CERT1: variants seen among roughly 807,000 people sequenced by gnomAD.
The protein encoded by CERT1 is ceramide transporter 1, also known as ceramide transfer protein.
CERT1 carries 31 observed loss-of-function variants against 87.9 expected under a neutral mutation model. That is an observed-to-expected ratio of 0.35 (90% CI 0.27 to 0.48). The LOEUF is 0.48. CERT1 is among the 20% of genes least tolerant of loss of function. The probability of loss-of-function intolerance (pLI) is 0.99; values close to 1 mark genes in which losing one functional copy is unlikely to be tolerated. For synonymous variants in CERT1, 289 were observed against 250.9 expected (o/e 1.15, Z -1.44); for missense variants, 487 against 758.0 (o/e 0.64, Z 4.20).
chr5:75,382,216 GATTA>G lies in CERT1; in HGVS notation c.1489-143_1489-140del. The G allele has an allele frequency of 4.3e-6, 3 of 698,032 alleles. No homozygotes were observed. The South Asian group carries it at 6.3e-5, about 15-fold the overall frequency. The allele number at this position is 698,032 out of a possible 1,614,324, so 43.2% of individuals were successfully genotyped here. A position where few individuals can be genotyped will look rare whatever the true frequency, so the allele number is the denominator to read the frequency against. On this transcript the variant is annotated intron_variant, in intron 14 of 16. Transcript: ENST00000643780. Reference sequence around the variant, plus strand: ...AAGCATCTGAGGATATCTACCAAATGATTAATTATGAACAGAGTTAATAGCTTTG... The same window carrying G: ...AAGCATCTGAGGATATCTACCAAATGATTATGAACAGAGTTAATAGCTTTG...
chr5:75,395,610 C>T lies in CERT1; in HGVS notation c.1188+3700G>A, dbSNP rs572925712. The stretch of plus-strand genomic sequence containing the variant: ...GGCATGGTGTCTCAGGCCTGTAATC[C>T]CAGCACTTTGGGAGGCCGAGACGGG... On this transcript the variant is annotated intron_variant, in intron 11 of 16. Transcript: ENST00000643780. Among the ~76,000 whole-genome samples, 3 of 150,916 alleles carry T rather than the reference C, an allele frequency of 2.0e-5. No homozygotes were observed. In the South Asian group the frequency reaches 6.3e-4, roughly 32 times the overall value.
At chr5:75,409,407 C>T (rs1296645851) in intron 8 of CERT1, among the ~76,000 whole-genome samples, 2 of 152,166 alleles carry the variant, frequency 1.3e-5, no homozygotes, top group Non-Finnish European at 2.9e-5. Context: ...CTTTCTAGAG[C>T]AAAAGTAGCA....
intron 3 of CERT1, among the ~76,000 whole-genome samples, chr5:75,441,947 C>T (rs1283186708): frequency 6.6e-6 from 1 of 152,118 alleles, no homozygotes; most frequent in Non-Finnish European, 1.5e-5. Flanking sequence ...TATGTTAATT[C>T]CATTTTTCAT....
At chr5:75,425,284 G>T (rs1014772141) in intron 5 of CERT1, 77 bp downstream of exon 5, 1 of 1,404,730 alleles carries the variant, frequency 7.1e-7, no homozygotes, top group African/African-American at 1.4e-5. Context: ...ATCACTTAAA[G>T]ACATTACCCT....
chr5:75,480,129 A>G (rs1766166184), intron 2 of CERT1, among the ~76,000 whole-genome samples: 1 of 152,216 alleles, frequency 6.6e-6, no homozygotes, highest in Non-Finnish European at 1.5e-5. Flanking sequence ...TCTTGAAATT[A>G]CTGTCAAATG....
intron 3 of CERT1, among the ~76,000 whole-genome samples, chr5:75,449,420 T>C (rs1028846416): frequency 4.1e-4 from 62 of 152,352 alleles, no homozygotes; most frequent in African/African-American, 1.4e-3. Flanking sequence ...AGGTAGCGTA[T>C]TCTAAATTTT....
chr5:75,382,596 CAT>C (rs1283586851), intron 14 of CERT1, among the ~76,000 whole-genome samples: 8 of 151,900 alleles, frequency 5.3e-5, no homozygotes, highest in Non-Finnish European at 8.8e-5. Context: ...CAAGGGGAAA[CAT>C]ATACTATGGG....
intron 9 of CERT1, chr5:75,400,643 A>C (rs975412628): frequency 5.4e-6 from 1 of 186,228 alleles, no homozygotes; most frequent in Non-Finnish European, 1.1e-5. Flanking sequence ...TGGCCAAATC[A>C]TTCCAATGAT....
At chr5:75,451,553 T>C (rs1764769346) in intron 3 of CERT1, among the ~76,000 whole-genome samples, 1 of 152,186 alleles carries the variant, frequency 6.6e-6, no homozygotes, top group Non-Finnish European at 1.5e-5. Flanking sequence ...TAATGTTATA[T>C]TTGCATTCTT....
intron 4 of CERT1, among the ~76,000 whole-genome samples, 177 bp downstream of exon 4, chr5:75,426,192 CAT>C (rs957725428): frequency 5.8e-4 from 88 of 152,236 alleles, no homozygotes; most frequent in African/African-American, 1.9e-3. Flanking sequence ...AAATCAGTGA[CAT>C]GTGTTCATCT....
intron 2 of CERT1, among the ~76,000 whole-genome samples, chr5:75,462,684 T>G (rs989768535): frequency 2.0e-5 from 3 of 151,380 alleles, no homozygotes; most frequent in Non-Finnish European, 3.0e-5. Flanking sequence ...GTTAAAAACG[T>G]GGGAAACAAC....
intron 7 of CERT1, among the ~76,000 whole-genome samples, chr5:75,413,312 TCA>T (rs1763006762): frequency 6.6e-6 from 1 of 152,168 alleles, no homozygotes; most frequent in Non-Finnish European, 1.5e-5. Flanking sequence ...TAAACTGAAC[TCA>T]CACAAAGCAA....
intron 2 of CERT1, among the ~76,000 whole-genome samples, chr5:75,488,144 T>G (rs1207113730): frequency 1.3e-5 from 2 of 151,966 alleles, no homozygotes; most frequent in Admixed American, 1.3e-4. Context: ...TTTGATAGCA[T>G]AACACAGTGA....
At chr5:75,386,100 A>C in intron 12 of CERT1, 66 bp from the exon 13 acceptor site, 2 of 1,224,134 alleles carry the variant, frequency 1.6e-6, no homozygotes, top group Non-Finnish European at 2.2e-6. Context: ...GCAGGAAAGC[A>C]TGCTTTTAAT....
In CERT1 at chr5:75,476,954, C is replaced by T. The variant is rs958392459; in HGVS notation, c.232-17773G>A. On this transcript the variant is annotated intron_variant, in intron 2 of 16. Transcript: ENST00000643780. ...TCATCTCACTTAGTTTTAAAGTCCC[C>T]CAAATTCCCAAATTAACAAAACCTT... 3.9e-5 allele frequency among the ~76,000 whole-genome samples: 6 copies of T among 152,080 alleles called. No homozygotes were observed. In the East Asian group the frequency reaches 1.2e-3, roughly 29 times the overall value.
intron 9 of CERT1, 91 bp downstream of exon 9, chr5:75,402,881 T>C (rs891811267): frequency 2.7e-6 from 2 of 748,528 alleles, no homozygotes; most frequent in African/African-American, 3.5e-5. Context: ...TTCACAATGT[T>C]CAAATTCTAT....
chr5:75,430,331 G>A (rs1174050213), intron 3 of CERT1, among the ~76,000 whole-genome samples: 24 of 152,062 alleles, frequency 1.6e-4, no homozygotes, highest in Admixed American at 6.6e-5. Context: ...GCTCTTCTCC[G>A]AGACTTACAT....
intron 2 of CERT1, among the ~76,000 whole-genome samples, chr5:75,478,279 A>AGG (rs1766065848): frequency 6.6e-6 from 1 of 152,058 alleles, no homozygotes. Flanking sequence ...CTGCTGCTGC[A>AGG]TTCCAGCCTG....
chr5:75,424,610 C>A (rs1763527596), intron 5 of CERT1, among the ~76,000 whole-genome samples: 2 of 148,538 alleles, frequency 1.3e-5, no homozygotes. Flanking sequence ...GAGGAAAAGG[C>A]AAAAAGAAAA....
Sources: gnomAD v4.1 joint callset for allele counts (sites outside exome capture counted in the v4.1 genomes callset) on GRCh38, gnomAD v4.1.1 for gene constraint, MANE v1.5 for transcripts, NCBI Gene and HGNC (gene_info 2026-07-23, HGNC 2026-07-21) for gene names.